SYNRG: variants seen among roughly 807,000 people sequenced by gnomAD.
SYNRG encodes AP1 gamma subunit binding protein 1.
Under a neutral mutation model 130.9 loss-of-function variants are expected in SYNRG, and 37 were observed. The ratio of observed to expected loss-of-function variants is 0.28; its 90% confidence interval spans 0.22 to 0.37. The LOEUF (loss-of-function observed/expected upper bound fraction) is 0.37. Among genes scored for constraint, SYNRG ranks in the 10% least tolerant of loss-of-function variants. SYNRG has a pLI of 1.00. For synonymous variants in SYNRG, 539 were observed against 568.1 expected (o/e 0.95, Z 0.73); for missense variants, 1,338 against 1,588.9 (o/e 0.84, Z 2.68).
intron 11 of SYNRG, chr17:37,567,906 C>T (rs1433162991): frequency 2.0e-5 from 3 of 152,170 alleles, no homozygotes; most frequent in South Asian, 2.1e-4. Context: ...TATCTAAATA[C>T]TTTTTTTAAA....
chr17:37,529,219 C>T (rs976563427), intron 19 of SYNRG, among the ~76,000 whole-genome samples: 1 of 152,186 alleles, frequency 6.6e-6, no homozygotes, highest in African/African-American at 2.4e-5. Context: ...GTAAGCGCCA[C>T]CGTATGTGAA....
At chr17:37,562,282 CT>C (rs1348561019) in intron 11 of SYNRG, among the ~76,000 whole-genome samples, 2 of 152,194 alleles carry the variant, frequency 1.3e-5, no homozygotes, top group African/African-American at 4.8e-5. Context: ...GATAAAGATA[CT>C]TTTGCCTGTG....
At chr17:37,579,188 G>A in intron 6 of SYNRG, 2 of 1,222,870 alleles carry the variant, frequency 1.6e-6, no homozygotes, top group Non-Finnish European at 2.1e-6. Flanking sequence ...AATTTGCCCA[G>A]GGACGCCATG....
intron 14 of SYNRG, among the ~76,000 whole-genome samples, chr17:37,549,136 A>T (rs1375732862): frequency 6.6e-6 from 1 of 151,662 alleles, no homozygotes; most frequent in East Asian, 1.9e-4. Context: ...GGTCTCAAAA[A>T]AAAAAAAAAA....
Position 37,542,418 on chromosome 17 carries a change from G to A in SYNRG, c.2756C>T (p.Ser919Phe), listed in dbSNP as rs759405044. 1.9e-6 allele frequency: 3 copies of A among 1,614,192 alleles called. No homozygotes were observed. The highest frequency in any genetic ancestry group is 2.7e-5 in the African/African-American group (2 of 75,054). The change falls in exon 15 of 22, where the codon TCC becomes TTC. Residue 919 changes from serine (S) to phenylalanine (F), a missense_variant. Around this residue, in one of 3 missense-constraint regions of SYNRG, gnomAD observed 1,146 missense variants for 1,342.3 expected, o/e 0.85. Coordinates refer to ENST00000612223, the MANE Select transcript of SYNRG (RefSeq NM_007247.6). ...TTGAAGAATTGAGGTGGCTGAGGGGGATCCACTTCCTGCTGAGAGGACAAA... is the reference window on the plus strand; with the variant it reads ...TTGAAGAATTGAGGTGGCTGAGGGGAATCCACTTCCTGCTGAGAGGACAAA... ...SPFVLSAGSG[S>F]PSATSILQKK...
intron 2 of SYNRG, 72 bp downstream of exon 2, chr17:37,600,291 T>C (rs1306072227): frequency 7.3e-7 from 1 of 1,361,056 alleles, no homozygotes; most frequent in Non-Finnish European, 9.9e-7. Flanking sequence ...ATTTTCTATT[T>C]ACTTATTTAA....
intron 19 of SYNRG, among the ~76,000 whole-genome samples, chr17:37,524,118 CAAGCATCTGG>C (rs1420149436): frequency 6.6e-6 from 1 of 152,126 alleles, no homozygotes; most frequent in African/African-American, 2.4e-5. Context: ...GCCAGGCAGT[CAAGCATCTGG>C]GAGCCTGGCA....
Position 37,540,490 on chromosome 17 carries a change from GAGA to G in SYNRG, c.3253_3255del (p.Ser1085del), listed in dbSNP as rs753940617. 4 of 1,613,936 alleles carry G rather than the reference GAGA, an allele frequency of 2.5e-6. No individual in the cohort carries two copies. Among genetic ancestry groups the G allele is most frequent in the African/African-American group, 2.7e-5 (2 of 74,866 alleles). On this transcript the variant is annotated inframe_deletion, in exon 16 of 22. Coordinates refer to ENST00000612223, the MANE Select transcript of SYNRG (RefSeq NM_007247.6). ...AAAGGCTGCTCCAAAGCTGGAGAAG[GAGA>G]AGAACGGCTTATTTCTTTATCACCA...
At chr17:37,528,065 G>A (rs776039660) in intron 19 of SYNRG, among the ~76,000 whole-genome samples, 1 of 152,206 alleles carries the variant, frequency 6.6e-6, no homozygotes, top group Non-Finnish European at 1.5e-5. Flanking sequence ...GTAACATAGA[G>A]TAGGAAGAAG....
chr17:37,544,074 C>T (rs2058035823), intron 14 of SYNRG, among the ~76,000 whole-genome samples: 1 of 152,224 alleles, frequency 6.6e-6, no homozygotes, highest in African/African-American at 2.4e-5. Context: ...AAGCTCCTGA[C>T]ATTTCCATAG....
intron 10 of SYNRG, among the ~76,000 whole-genome samples, chr17:37,569,985 T>C (rs1320310163): frequency 6.6e-6 from 1 of 152,194 alleles, no homozygotes; most frequent in Non-Finnish European, 1.5e-5. Context: ...TATTTAACCT[T>C]TCTCCTCCTG....
rs577835838 is a variant in SYNRG at position 37,561,384 on chromosome 17, C to A, written c.1600+87G>T. 2.8e-6 allele frequency: 4 copies of A among 1,423,200 alleles called. No homozygotes were observed. The East Asian group carries it at 9.2e-5, about 33-fold the overall frequency. 88.2% of individuals were successfully genotyped at this position (1,423,200 alleles called of 1,614,324 possible). The stretch of plus-strand genomic sequence containing the variant: ...GTATACAGGCATTTTACATATTTAG[C>A]ACAGAAGACCACCACTTAAAGATTC... On this transcript the variant is annotated intron_variant, in intron 12 of 21. Coordinates refer to ENST00000612223, the MANE Select transcript of SYNRG (RefSeq NM_007247.6).
chr17:37,609,362 C>G lies in SYNRG; in HGVS notation c.-7G>C. ...CTCCTGGCCGCAGCGCCATCTTGCT[C>G]CCGACCTGCCGCTGCCTTCGCCGCC... On this transcript the variant is annotated 5_prime_UTR_variant, in exon 1 of 22. Transcript: ENST00000612223. 1.4e-6 allele frequency: 2 copies of G among 1,427,500 alleles called. No homozygotes were observed. The highest frequency in any genetic ancestry group is 1.4e-5 in the South Asian group (1 of 70,702). 88.4% of individuals were successfully genotyped at this position (1,427,500 alleles called of 1,614,324 possible). A position where few individuals can be genotyped will look rare whatever the true frequency, so the allele number is the denominator to read the frequency against.
rs1238704839 is a variant in SYNRG, at chr17:37,536,069, T to A, written c.3576A>T (p.Ala1192=). The change falls in exon 19 of 22, where the codon GCA becomes GCT. Residue 1192 remains alanine (A), a synonymous_variant. Transcript: ENST00000612223. ...ACTGCTGGAGTTTCTCACTGCACAC[T>A]GCAGTGGCTTTTATCCCCAGCTCCA... ...KRVELGIKAT[A]VCSEKLQQLL... The A allele has an allele frequency of 6.2e-7, 1 of 1,614,126 alleles. No homozygotes were observed. Among genetic ancestry groups the A allele is most frequent in the East Asian group, 2.2e-5 (1 of 44,890 alleles).
chr17:37,526,215 G>A (rs1335130476), intron 19 of SYNRG, among the ~76,000 whole-genome samples: 3 of 152,130 alleles, frequency 2.0e-5, no homozygotes, highest in Admixed American at 6.5e-5. Flanking sequence ...ACACTCCCAC[G>A]GTGACCAGCT....
rs2060379685 is a variant in SYNRG at position 37,570,885 on chromosome 17, T to A, written c.1099A>T (p.Arg367Trp). The change falls in exon 10 of 22, where the codon AGG (arginine) becomes TGG (tryptophan). Residue 367 changes from arginine (R) to tryptophan (W), a missense_variant and splice_region_variant. By Grantham distance (101) the Arg-to-Trp change is moderately radical. Coordinates refer to ENST00000612223, the MANE Select transcript of SYNRG (RefSeq NM_007247.6). ...TCAGGACTCATTGCAGGAACGCCCC[T>A]CTACAAATGATAGAAAGAAAATGGA... Reference protein sequence around the residue: ...TVLAMIAVTQRGVPAMSPDAL... With the variant: ...TVLAMIAVTQWGVPAMSPDAL... The A allele has an allele frequency of 2.5e-6, 4 of 1,610,466 alleles. No individual in the cohort carries two copies. The South Asian group carries it at 4.4e-5, about 18-fold the overall frequency.
chr17:37,565,827 G>C (rs1192843078), intron 11 of SYNRG, among the ~76,000 whole-genome samples: 1 of 151,936 alleles, frequency 6.6e-6, no homozygotes, highest in Non-Finnish European at 1.5e-5. Flanking sequence ...CATCTGAGAA[G>C]TGAGGAGCCT....
chr17:37,536,340 C>G, intron 18 of SYNRG: 1 of 563,764 alleles, frequency 1.8e-6, no homozygotes, highest in Non-Finnish European at 3.0e-6. Flanking sequence ...GGTTCAAACC[C>G]CAGCTATGCC....
intron 7 of SYNRG, 93 bp from the exon 8 acceptor site, chr17:37,576,511 G>A (rs778723960): frequency 1.8e-6 from 2 of 1,141,214 alleles, no homozygotes; most frequent in East Asian, 2.7e-5. Context: ...AGCACTGGCT[G>A]GAGACACTAA....
Sources: gnomAD v4.1 joint callset for allele counts (sites outside exome capture counted in the v4.1 genomes callset) on GRCh38, gnomAD v4.1.1 for gene constraint, gnomAD v4.1.1 regional missense constraint, MANE v1.5 for transcripts, NCBI Gene and HGNC (gene_info 2026-07-23, HGNC 2026-07-21) for gene names.